Variants in DLG2 observed in about 807,000 individuals in gnomAD.
DLG2 encodes disks large homolog 2.
DLG2 carries 45 observed loss-of-function variants against 132.5 expected under a neutral mutation model. The ratio of observed to expected loss-of-function variants is 0.34; its 90% confidence interval spans 0.27 to 0.44. The LOEUF (loss-of-function observed/expected upper bound fraction) is 0.44, where lower values mean the gene tolerates loss of function less well. Ranked by LOEUF, DLG2 falls within the 20% of genes least tolerant of loss-of-function variation. DLG2 has a pLI of 1.00. For synonymous variants in DLG2, 424 were observed against 419.6 expected (o/e 1.01, Z -0.13); for missense variants, 1,045 against 1,196.9 (o/e 0.87, Z 1.87).
chr11:85,165,357 G>C (rs60383907), intron 4 of DLG2, among the ~76,000 whole-genome samples: 8,499 of 152,206 alleles, frequency 0.056, 350 homozygotes, highest in African/African-American at 0.11. Flanking sequence ...AAGACCAGAC[G>C]AAATCAGAAT....
intron 7 of DLG2, among the ~76,000 whole-genome samples, chr11:84,298,798 A>G (rs79922513): frequency 0.11 from 17,312 of 152,244 alleles, 1,214 homozygotes; most frequent in East Asian, 0.26. Flanking sequence ...AAGCATGAGC[A>G]AAGATTTGGC....
At chr11:83,648,930 G>A (rs1044179366) in intron 18 of DLG2, among the ~76,000 whole-genome samples, 1 of 152,158 alleles carries the variant, frequency 6.6e-6, no homozygotes, top group East Asian at 1.9e-4. Flanking sequence ...AGCTTCTCAA[G>A]GCCAAAGATG....
intron 3 of DLG2, among the ~76,000 whole-genome samples, chr11:85,557,480 A>AG (rs1399080484): frequency 1.3e-5 from 2 of 151,868 alleles, no homozygotes; most frequent in African/African-American, 4.8e-5. Context: ...AGAACCAAAA[A>AG]AGAGTCTGAA....
intron 3 of DLG2, among the ~76,000 whole-genome samples, chr11:85,311,952 T>G (rs765807118): frequency 6.6e-6 from 1 of 152,082 alleles, no homozygotes; most frequent in Admixed American, 6.6e-5. Flanking sequence ...TCTAGTTACA[T>G]GTACCTAATC....
At chr11:85,479,423 G>C (rs286496) in intron 3 of DLG2, among the ~76,000 whole-genome samples, 121,569 of 152,182 alleles carry the variant, frequency 0.8, 50,085 homozygotes, top group Middle Eastern at 0.95. Flanking sequence ...ACCTCCAAAA[G>C]GCCTCCAAAT....
intron 3 of DLG2, among the ~76,000 whole-genome samples, chr11:85,343,470 T>C (rs2082630857): frequency 6.6e-6 from 1 of 152,192 alleles, no homozygotes; most frequent in Non-Finnish European, 1.5e-5. Flanking sequence ...GCCTGACTCA[T>C]GGTCAAGTTT....
rs1049138187 is a variant in DLG2 at position 83,642,846 on chromosome 11, C to T, written c.1826-9521G>A. ...CATAAGATACTCAATTTAGAGAATA[C>T]TCAGCTTTCTCATATGCAGAATAGA... On this transcript the variant is annotated intron_variant, in intron 18 of 27. Coordinates refer to ENST00000376104, the MANE Select transcript of DLG2 (RefSeq NM_001142699.3). Among the ~76,000 whole-genome samples, 9 of 152,128 alleles carry T rather than the reference C, an allele frequency of 5.9e-5. No individual in the cohort carries two copies. The East Asian group carries it at 1.5e-3, about 26-fold the overall frequency.
chr11:85,478,336 T>A lies in DLG2; in HGVS notation c.40+120321A>T, dbSNP rs1597717451. 4.6e-5 allele frequency among the ~76,000 whole-genome samples: 7 copies of A among 152,214 alleles called. No individual in the cohort carries two copies. In the South Asian group the frequency reaches 1.5e-3, roughly 32 times the overall value. On this transcript the variant is annotated intron_variant, in intron 3 of 27. Coordinates refer to ENST00000376104, the MANE Select transcript of DLG2 (RefSeq NM_001142699.3). ...TGCACCTGGACCCAAATATTTTCAA[T>A]AGAGTGTAATTATTCTAATAGAATT...
At chr11:83,912,285 T>C (rs1434414197) in intron 15 of DLG2, among the ~76,000 whole-genome samples, 2 of 152,072 alleles carry the variant, frequency 1.3e-5, no homozygotes, top group Non-Finnish European at 2.9e-5. Flanking sequence ...TCATCCAACT[T>C]ATGACTGGGT....
rs184472007 is a variant in DLG2, at chr11:84,451,008, T to G, written c.519+83562A>C. ...TATACCCATGTAACAAACCTGCACA[T>G]GTACCCTTTAATCTAAATAAAATTT... On this transcript the variant is annotated intron_variant, in intron 7 of 27. Transcript: ENST00000376104. 3.6e-3 allele frequency among the ~76,000 whole-genome samples: 552 copies of G among 151,966 alleles called. 5 individuals carry two copies. Among genetic ancestry groups the G allele is most frequent in the African/African-American group, 0.013 (519 of 41,504 alleles).
chr11:84,345,208 C>T (rs1164357460), intron 7 of DLG2, among the ~76,000 whole-genome samples: 1 of 152,134 alleles, frequency 6.6e-6, no homozygotes, highest in East Asian at 1.9e-4. Context: ...TGTGGGCCAG[C>T]AGGAACAAAT....
chr11:84,546,011 C>A (rs934007888), intron 6 of DLG2, among the ~76,000 whole-genome samples: 1 of 152,148 alleles, frequency 6.6e-6, no homozygotes, highest in African/African-American at 2.4e-5. Context: ...CCGCCTCGGC[C>A]TCCCGAAGTG....
chr11:85,354,072 G>A (rs1224331439), intron 3 of DLG2, among the ~76,000 whole-genome samples: 1 of 150,592 alleles, frequency 6.6e-6, no homozygotes, highest in African/African-American at 2.4e-5. Context: ...GGAATCAGAT[G>A]TATGCCTAGG....
At chr11:85,233,390 C>T (rs2075402852) in intron 4 of DLG2, among the ~76,000 whole-genome samples, 1 of 151,892 alleles carries the variant, frequency 6.6e-6, no homozygotes, top group East Asian at 1.9e-4. Context: ...CCTGTGGTTT[C>T]CCTAAGATCC....
intron 6 of DLG2, among the ~76,000 whole-genome samples, chr11:85,082,679 T>A (rs1366789702): frequency 2.6e-5 from 4 of 151,692 alleles, no homozygotes; most frequent in African/African-American, 9.7e-5. Context: ...AAAAAACAAT[T>A]TTTTTGAGAA....
At chr11:84,720,285 C>G in intron 6 of DLG2, 4 of 985,474 alleles carry the variant, frequency 4.1e-6, no homozygotes, top group Non-Finnish European at 4.8e-6. Context: ...AAGACATGAA[C>G]CTCTTCCTAC....
chr11:85,423,579 G>A (rs2090485314), intron 3 of DLG2, among the ~76,000 whole-genome samples: 2 of 152,164 alleles, frequency 1.3e-5, no homozygotes, highest in South Asian at 2.1e-4. Flanking sequence ...TCTGAGCTCA[G>A]ACTCTCCTTG....
intron 4 of DLG2, among the ~76,000 whole-genome samples, chr11:85,171,678 C>T (rs922151756): frequency 6.6e-6 from 1 of 152,196 alleles, no homozygotes; most frequent in Non-Finnish European, 1.5e-5. Context: ...TTCCAGCCAG[C>T]CAGTGGCAGC....
chr11:83,791,278 G>C, intron 17 of DLG2: 1 of 674,204 alleles, frequency 1.5e-6, no homozygotes, highest in African/African-American at 1.8e-5. Context: ...CTCATCGGCA[G>C]AGCTCCCAGA....
Sources: allele counts gnomAD v4.1 joint callset (sites outside exome capture counted in the v4.1 genomes callset), GRCh38; gene constraint gnomAD v4.1.1; transcripts MANE v1.5; gene names NCBI Gene and HGNC (gene_info 2026-07-23, HGNC 2026-07-21).